Variants in RABGAP1L observed in about 807,000 individuals in gnomAD.
The protein encoded by RABGAP1L is rab GTPase-activating protein 1-like.
In RABGAP1L, 63 loss-of-function variants were observed where a neutral mutation model predicts 137.7. That is an observed-to-expected ratio of 0.46 (90% CI 0.37 to 0.56). The LOEUF is 0.56. Ranked by LOEUF, RABGAP1L falls within the 20% of genes least tolerant of loss-of-function variation. RABGAP1L has a pLI of 0.00. For missense variants in RABGAP1L, 1,095 were observed against 1,244.0 expected, an observed-to-expected ratio of 0.88 and a Z score of 1.80; for synonymous variants, 431 against 433.7, an observed-to-expected ratio of 0.99 and a Z score of 0.08.
intron 13 of RABGAP1L, among the ~76,000 whole-genome samples, chr1:174,457,477 C>CTTTTTTTTTTTTTTTTTTTTTTTTTTTTT (rs746968960): frequency 9.3e-6 from 1 of 107,496 alleles, no homozygotes; most frequent in African/African-American, 4.2e-5. Flanking sequence ...CAGGCATCAT[C>CTTTTTTTTTTTTTTTTTTTTTTTTTTTTT]TTTTTTTTTT....
At chr1:174,856,008 T>C (rs890156780) in intron 19 of RABGAP1L, among the ~76,000 whole-genome samples, 6 of 152,218 alleles carry the variant, frequency 3.9e-5, no homozygotes, top group African/African-American at 1.2e-4. Flanking sequence ...ATTTGAAGTT[T>C]CTTTAAGCCT....
chr1:174,810,378 C>T (rs750497321), intron 18 of RABGAP1L, among the ~76,000 whole-genome samples: 7 of 152,126 alleles, frequency 4.6e-5, no homozygotes, highest in Non-Finnish European at 1.0e-4. Context: ...TTATATTGAG[C>T]TAAAATCTAG....
chr1:174,388,424 C>T (rs1571568415), intron 12 of RABGAP1L, among the ~76,000 whole-genome samples: 1 of 151,368 alleles, frequency 6.6e-6, no homozygotes, highest in South Asian at 2.1e-4. Context: ...GTCTTTATAA[C>T]AGATTGGAGA....
At chr1:174,537,303 T>C (rs2147916216) in intron 13 of RABGAP1L, among the ~76,000 whole-genome samples, 1 of 152,314 alleles carries the variant, frequency 6.6e-6, no homozygotes, top group East Asian at 1.9e-4. Flanking sequence ...AACATAGAGC[T>C]ATATCAGTAC....
chr1:174,644,074 T>G (rs190695230), intron 14 of RABGAP1L, among the ~76,000 whole-genome samples: 1,815 of 152,108 alleles, frequency 0.012, 43 homozygotes, highest in African/African-American at 0.042. Flanking sequence ...GGGGTTTTTT[T>G]GGTCCTCTTT....
intron 17 of RABGAP1L, among the ~76,000 whole-genome samples, chr1:174,720,367 G>A (rs764021210): frequency 3.3e-5 from 5 of 151,238 alleles, no homozygotes; most frequent in African/African-American, 4.9e-5. Flanking sequence ...GCAGTGGCAC[G>A]ATCTCAGCTC....
intron 14 of RABGAP1L, among the ~76,000 whole-genome samples, chr1:174,670,900 T>G (rs1677129073): frequency 6.6e-6 from 1 of 152,126 alleles, no homozygotes; most frequent in Non-Finnish European, 1.5e-5. Context: ...TTTCTTTTGG[T>G]TATACCTAGC....
intron 19 of RABGAP1L, among the ~76,000 whole-genome samples, chr1:174,857,953 A>C (rs1375477796): frequency 6.6e-6 from 1 of 152,166 alleles, no homozygotes; most frequent in Non-Finnish European, 1.5e-5. Flanking sequence ...TAATAGTTAA[A>C]AGTTAATTTG....
At chr1:174,645,469 A>G (rs1454124571) in intron 14 of RABGAP1L, among the ~76,000 whole-genome samples, 2 of 139,884 alleles carry the variant, frequency 1.4e-5, no homozygotes, top group African/African-American at 5.2e-5. Flanking sequence ...ACTCCCACTT[A>G]TGAATGAGAA....
intron 17 of RABGAP1L, among the ~76,000 whole-genome samples, chr1:174,711,992 G>T (rs1413089371): frequency 6.6e-6 from 1 of 152,218 alleles, no homozygotes; most frequent in Non-Finnish European, 1.5e-5. Context: ...AGATAATCTA[G>T]TGGGGACTTG....
chr1:174,419,042 T>A (rs1650943583), intron 13 of RABGAP1L, among the ~76,000 whole-genome samples: 1 of 152,104 alleles, frequency 6.6e-6, no homozygotes, highest in African/African-American at 2.4e-5. Flanking sequence ...CATCTCTAAA[T>A]AAATAAATTA....
chr1:174,509,463 C>A (rs1662136172), intron 13 of RABGAP1L, among the ~76,000 whole-genome samples: 1 of 151,902 alleles, frequency 6.6e-6, no homozygotes, highest in African/African-American at 2.4e-5. Flanking sequence ...TAACCAAAAT[C>A]GAGATTGCTG....
intron 20 of RABGAP1L, 87 bp from the exon 21 acceptor site, chr1:174,969,190 C>G: frequency 9.8e-7 from 1 of 1,024,144 alleles, no homozygotes; most frequent in Non-Finnish European, 1.5e-6. Context: ...TGAAAGTTCA[C>G]TTTGTTGCTT....
intron 13 of RABGAP1L, among the ~76,000 whole-genome samples, chr1:174,520,625 T>A (rs751112180): frequency 5.9e-5 from 9 of 152,232 alleles, no homozygotes; most frequent in Non-Finnish European, 1.2e-4. Context: ...TCAATTAGTA[T>A]GTTGAGATAA....
intron 13 of RABGAP1L, among the ~76,000 whole-genome samples, chr1:174,634,692 A>T (rs1673780537): frequency 7.9e-6 from 1 of 126,034 alleles, no homozygotes; most frequent in Non-Finnish European, 1.6e-5. Flanking sequence ...ACCATGGAAT[A>T]CTATGCAGCC....
At chr1:174,931,465 C>T (rs1206414238) in intron 19 of RABGAP1L, among the ~76,000 whole-genome samples, 1 of 152,080 alleles carries the variant, frequency 6.6e-6, no homozygotes, top group Non-Finnish European at 1.5e-5. Flanking sequence ...ACTTCTGAGC[C>T]AAATTAAACC....
intron 17 of RABGAP1L, among the ~76,000 whole-genome samples, chr1:174,749,058 C>T (rs1255395221): frequency 6.6e-6 from 1 of 151,352 alleles, no homozygotes; most frequent in Non-Finnish European, 1.5e-5. Context: ...AGCCTGTAGC[C>T]CCAGCTACAT....
intron 19 of RABGAP1L, among the ~76,000 whole-genome samples, chr1:174,813,694 C>T (rs1269821327): frequency 1.3e-5 from 2 of 151,966 alleles, no homozygotes. Context: ...CTCTTTAAAG[C>T]CTTCACGACT....
intron 11 of RABGAP1L, among the ~76,000 whole-genome samples, chr1:174,311,457 T>C (rs1410868204): frequency 1.3e-5 from 2 of 152,122 alleles, no homozygotes; most frequent in East Asian, 3.9e-4. Flanking sequence ...TCATCATCCT[T>C]CTACTCTCTG....
Sources: gnomAD v4.1 joint callset for allele counts (sites outside exome capture counted in the v4.1 genomes callset) on GRCh38, gnomAD v4.1.1 for gene constraint, MANE v1.5 for transcripts, NCBI Gene and HGNC (gene_info 2026-07-23, HGNC 2026-07-21) for gene names.